Variants in CSMD1 observed in about 807,000 individuals in gnomAD.
CSMD1 encodes CUB and Sushi multiple domains 1.
Under a neutral mutation model 417.5 loss-of-function variants are expected in CSMD1, and 213 were observed. The ratio of observed to expected loss-of-function variants is 0.51; its 90% confidence interval spans 0.46 to 0.57. The LOEUF (loss-of-function observed/expected upper bound fraction) is 0.57, where lower values mean the gene tolerates loss of function less well. Among genes scored for constraint, CSMD1 ranks in the 20% least tolerant of loss-of-function variants. The pLI, the probability that CSMD1 is intolerant of heterozygous loss-of-function variation, is 0.00. For synonymous variants in CSMD1, 2,862 were observed against 1,736.8 expected (o/e 1.65, Z -16.11); for missense variants, 6,923 against 4,529.7 (o/e 1.53, Z -15.17).
At chr8:3,537,975 T>C (rs1337391331) in intron 10 of CSMD1, among the ~76,000 whole-genome samples, 1 of 152,236 alleles carries the variant, frequency 6.6e-6, no homozygotes, top group East Asian at 1.9e-4. Flanking sequence ...TCGTTTATTC[T>C]TCTATTTATC....
At chr8:4,023,263 T>G (rs1796878663) in intron 4 of CSMD1, among the ~76,000 whole-genome samples, 2 of 152,192 alleles carry the variant, frequency 1.3e-5, no homozygotes, top group Non-Finnish European at 2.9e-5. Context: ...CATAAAAACA[T>G]CTGAACCAAC....
intron 1 of CSMD1, among the ~76,000 whole-genome samples, chr8:4,938,777 G>C (rs1418722492): frequency 1.3e-5 from 2 of 152,232 alleles, no homozygotes; most frequent in African/African-American, 4.8e-5. Context: ...GGGTCAAGAA[G>C]TGCAGGGGAA....
chr8:3,482,598 G>T (rs949330120), intron 11 of CSMD1, among the ~76,000 whole-genome samples: 1 of 152,164 alleles, frequency 6.6e-6, no homozygotes, highest in Non-Finnish European at 1.5e-5. Context: ...TTAGCAAACA[G>T]GCAGAAAATA....
intron 2 of CSMD1, among the ~76,000 whole-genome samples, chr8:4,591,105 T>C (rs1366851175): frequency 6.6e-6 from 1 of 152,240 alleles, no homozygotes; most frequent in Admixed American, 6.5e-5. Flanking sequence ...GGTTGTAAGC[T>C]ATGCCATCAA....
intron 5 of CSMD1, among the ~76,000 whole-genome samples, chr8:3,814,759 C>G (rs993985668): frequency 6.6e-6 from 1 of 152,116 alleles, no homozygotes; most frequent in Non-Finnish European, 1.5e-5. Flanking sequence ...CTTGCATTTC[C>G]AATGGACTAT....
At chr8:3,345,518 C>A (rs183114349) in intron 22 of CSMD1, among the ~76,000 whole-genome samples, 86 of 152,240 alleles carry the variant, frequency 5.6e-4, no homozygotes, top group African/African-American at 2.0e-3. Context: ...GAGTGGAAGT[C>A]AGAAGACTTG....
At chr8:4,387,184 C>G (rs1803509554) in intron 3 of CSMD1, among the ~76,000 whole-genome samples, 1 of 152,138 alleles carries the variant, frequency 6.6e-6, no homozygotes, top group Non-Finnish European at 1.5e-5. Flanking sequence ...CATCTTGTGG[C>G]TAGGAGGTAT....
intron 2 of CSMD1, among the ~76,000 whole-genome samples, chr8:4,467,946 A>C (rs1800284511): frequency 6.6e-6 from 1 of 152,162 alleles, no homozygotes; most frequent in Non-Finnish European, 1.5e-5. Context: ...TGAACTAACA[A>C]AGTAATATGA....
intron 3 of CSMD1, among the ~76,000 whole-genome samples, chr8:4,385,166 A>T (rs1407110475): frequency 2.3e-5 from 1 of 42,870 alleles, no homozygotes; most frequent in Non-Finnish European, 4.8e-5. Flanking sequence ...ACCTCAGGTG[A>T]TCCTCCCCGT....
At chr8:4,041,648 A>C (rs1264173733) in intron 3 of CSMD1, among the ~76,000 whole-genome samples, 1 of 152,060 alleles carries the variant, frequency 6.6e-6, no homozygotes, top group Non-Finnish European at 1.5e-5. Flanking sequence ...GAAGAAGAAA[A>C]CTCAATCAAT....
chr8:3,365,687 T>C (rs1236628613), intron 20 of CSMD1, among the ~76,000 whole-genome samples: 1 of 152,226 alleles, frequency 6.6e-6, no homozygotes, highest in South Asian at 2.1e-4. Flanking sequence ...GTTAATTGAC[T>C]GTAGGCTTTT....
At chr8:4,291,817 C>T (rs1471670565) in intron 3 of CSMD1, among the ~76,000 whole-genome samples, 1 of 152,184 alleles carries the variant, frequency 6.6e-6, no homozygotes, top group Non-Finnish European at 1.5e-5. Context: ...TCTGAAATGT[C>T]ATGTAAACCA....
At chr8:3,257,963 G>C (rs1387895749) in intron 26 of CSMD1, among the ~76,000 whole-genome samples, 2 of 152,158 alleles carry the variant, frequency 1.3e-5, no homozygotes, top group Non-Finnish European at 2.9e-5. Context: ...AGACCATGGA[G>C]AGGCCGTGAG....
intron 3 of CSMD1, among the ~76,000 whole-genome samples, chr8:4,355,032 G>A (rs547350091): frequency 1.3e-5 from 2 of 151,940 alleles, no homozygotes; most frequent in Non-Finnish European, 2.9e-5. Context: ...GGAGGCCGAG[G>A]CGGGCGGATG....
At chr8:3,219,592 C>G (rs1000162811) in intron 28 of CSMD1, 150 bp from the exon 29 acceptor site, 2 of 542,366 alleles carry the variant, frequency 3.7e-6, no homozygotes, top group Non-Finnish European at 3.2e-6. Context: ...TAGTATGAAT[C>G]AAAATATTAA....
chr8:3,404,814 G>A (rs1812248144), intron 15 of CSMD1, among the ~76,000 whole-genome samples: 2 of 152,058 alleles, frequency 1.3e-5, no homozygotes, highest in Admixed American at 1.3e-4. Context: ...GGACACCTGA[G>A]ACGCTTTGAG....
intron 1 of CSMD1, among the ~76,000 whole-genome samples, chr8:4,752,061 A>G (rs751363274): frequency 6.7e-6 from 1 of 149,594 alleles, no homozygotes; most frequent in East Asian, 2.0e-4. Context: ...ATATTAATAC[A>G]AAAACATATG....
rs559501679 is a variant in CSMD1, at chr8:4,795,497, C to T, written c.86-157939G>A. 1.1e-4 allele frequency among the ~76,000 whole-genome samples: 16 copies of T among 151,764 alleles called. No homozygotes were observed. The East Asian group carries it at 2.9e-3, about 28-fold the overall frequency. On this transcript the variant is annotated intron_variant, in intron 1 of 69. Coordinates refer to ENST00000635120, the MANE Select transcript of CSMD1 (RefSeq NM_033225.6). Reference sequence around the variant, plus strand: ...GTGTTAGCCAGGATGGTCTCGATATCCTGACCTGCCCACCTCGGCCTTCCA... The same window carrying T: ...GTGTTAGCCAGGATGGTCTCGATATTCTGACCTGCCCACCTCGGCCTTCCA...
At chr8:3,493,576 C>A in intron 11 of CSMD1, 47 bp downstream of exon 11, 1 of 1,491,278 alleles carries the variant, frequency 6.7e-7, no homozygotes, top group African/African-American at 1.4e-5. Context: ...CCCACCGTGC[C>A]CCGCACTGCA....
Sources: allele counts gnomAD v4.1 joint callset (sites outside exome capture counted in the v4.1 genomes callset), GRCh38; gene constraint gnomAD v4.1.1; transcripts MANE v1.5; gene names NCBI Gene and HGNC (gene_info 2026-07-23, HGNC 2026-07-21).